The following EDIL3 variants were observed in gnomAD, a reference collection of about 807,000 sequenced individuals.
The protein encoded by EDIL3 is EGF like and discoidin domains 3.
In EDIL3, 37 loss-of-function variants were observed where a neutral mutation model predicts 67.4. The observed-to-expected ratio is 0.55, with a 90% confidence interval of 0.42 to 0.72. The LOEUF is 0.72. Ranked by LOEUF, EDIL3 falls within the 30% of genes least tolerant of loss-of-function variation. The pLI is 0.00. For missense variants in EDIL3, 527 were observed against 586.3 expected (o/e 0.90, Z 1.04); for synonymous variants, 195 against 196.3 (o/e 0.99, Z 0.05).
intron 1 of EDIL3, among the ~76,000 whole-genome samples, chr5:84,261,799 C>T (rs1038842950): frequency 2.6e-5 from 4 of 152,206 alleles, no homozygotes; most frequent in Non-Finnish European, 5.9e-5. Flanking sequence ...CTCAAAACCA[C>T]ATTAATGCTA....
intron 6 of EDIL3, among the ~76,000 whole-genome samples, chr5:84,075,253 G>C (rs1437001782): frequency 6.6e-6 from 1 of 151,922 alleles, no homozygotes; most frequent in Admixed American, 6.6e-5. Context: ...AATGCTAAAT[G>C]ACGAGTTAAT....
chr5:84,352,090 C>T (rs1177930612), intron 1 of EDIL3, among the ~76,000 whole-genome samples: 1 of 152,032 alleles, frequency 6.6e-6, no homozygotes, highest in Non-Finnish European at 1.5e-5. Context: ...AATGATATAA[C>T]ATCTCACATC....
intron 3 of EDIL3, among the ~76,000 whole-genome samples, chr5:84,225,647 A>G (rs1744435790): frequency 6.6e-6 from 1 of 151,538 alleles, no homozygotes. Flanking sequence ...GATTTTTTTC[A>G]TTCTATATGT....
chr5:84,052,826 C>G (rs1746367316), intron 9 of EDIL3, among the ~76,000 whole-genome samples: 1 of 152,136 alleles, frequency 6.6e-6, no homozygotes, highest in Non-Finnish European at 1.5e-5. Flanking sequence ...TTAGGACCTA[C>G]AAAGAGACTT....
At chr5:84,252,294 A>G (rs909635509) in intron 2 of EDIL3, among the ~76,000 whole-genome samples, 1 of 152,022 alleles carries the variant, frequency 6.6e-6, no homozygotes. Context: ...AATCGAGATC[A>G]TCCTGGCTAA....
chr5:84,238,990 A>G (rs565594507), intron 2 of EDIL3, among the ~76,000 whole-genome samples: 23 of 152,208 alleles, frequency 1.5e-4, no homozygotes, highest in African/African-American at 5.1e-4. Context: ...AACAGATCCA[A>G]TCTGCGGACC....
chr5:84,049,626 G>A (rs192531723), intron 9 of EDIL3, among the ~76,000 whole-genome samples: 19 of 152,280 alleles, frequency 1.2e-4, no homozygotes, highest in Admixed American at 1.2e-3. Context: ...GGCTCAGAAT[G>A]TTCCAATTTC....
In EDIL3 at chr5:84,149,728, G is replaced by A. The variant is rs897457299; in HGVS notation, c.356-12374C>T. ...AGTAATTAAAACAGTTATTAAAACT[G>A]TATTCCATATATTGAAAATATTAAA... On this transcript the variant is annotated intron_variant, in intron 4 of 10. Transcript: ENST00000296591. 3.3e-5 allele frequency among the ~76,000 whole-genome samples: 5 copies of A among 152,192 alleles called. No individual in the cohort carries two copies. The East Asian group carries it at 9.6e-4, about 29-fold the overall frequency.
intron 9 of EDIL3, among the ~76,000 whole-genome samples, chr5:84,040,517 A>T (rs571905687): frequency 1.1e-4 from 15 of 140,940 alleles, no homozygotes; most frequent in Non-Finnish European, 1.8e-4. Context: ...ATATATAATT[A>T]TATATATATA....
rs558445455 is a variant in EDIL3 at position 83,948,090 on chromosome 5, T to G, written c.1294-4522A>C. On this transcript the variant is annotated intron_variant, in intron 10 of 10. Coordinates refer to ENST00000296591, the MANE Select transcript of EDIL3 (RefSeq NM_005711.5). The stretch of plus-strand genomic sequence containing the variant: ...ATATTTCTATCAATGCAGTCTAAAA[T>G]GTAGAATAATTATATTGCATTTTGG... Among the ~76,000 whole-genome samples the G allele has an allele frequency of 3.9e-5, 6 of 151,950 alleles. 1 individual carries two copies. The South Asian group carries it at 1.2e-3, about 31-fold the overall frequency.
At position 83,941,967 on chromosome 5, in the gene EDIL3, T is replaced by G. The variant is rs1744231290; in HGVS notation, c.*1452A>C. On this transcript the variant is annotated 3_prime_UTR_variant, in exon 11 of 11. Coordinates refer to ENST00000296591, the MANE Select transcript of EDIL3 (RefSeq NM_005711.5). ...GGCTTTTGTTATGCAGCACAAATATTAAAGGAAAAAAATAGCAGTGTTGCG... is the reference window on the plus strand; with the variant it reads ...GGCTTTTGTTATGCAGCACAAATATGAAAGGAAAAAAATAGCAGTGTTGCG... The G allele has an allele frequency of 6.6e-6, 1 of 151,938 alleles. No homozygotes were observed. 9.4% of individuals were successfully genotyped at this position (151,938 alleles called of 1,614,324 possible).
At chr5:84,105,750 A>ATC (rs10654447) in intron 6 of EDIL3, among the ~76,000 whole-genome samples, 12 of 284 alleles carry the variant, frequency 0.042, no homozygotes, top group Admixed American at 0.15. Flanking sequence ...GATTTTCTAC[A>ATC]ATATTCCCCA....
intron 1 of EDIL3, among the ~76,000 whole-genome samples, chr5:84,368,507 T>C (rs1191284548): frequency 1.3e-5 from 2 of 151,930 alleles, no homozygotes; most frequent in African/African-American, 2.4e-5. Flanking sequence ...AAATCTAAGA[T>C]CTAAAACTTC....
intron 4 of EDIL3, among the ~76,000 whole-genome samples, chr5:84,152,473 G>A (rs1748413569): frequency 6.6e-6 from 1 of 152,130 alleles, no homozygotes; most frequent in African/African-American, 2.4e-5. Context: ...CTGTCAGAGA[G>A]GAATGGGTCT....
At chr5:84,237,041 C>T (rs553474539) in intron 2 of EDIL3, among the ~76,000 whole-genome samples, 1 of 152,056 alleles carries the variant, frequency 6.6e-6, no homozygotes, top group Non-Finnish European at 1.5e-5. Context: ...GCCGAGGCTA[C>T]CAGCTCACTA....
intron 3 of EDIL3, among the ~76,000 whole-genome samples, chr5:84,187,219 A>G (rs773397188): frequency 2.5e-4 from 38 of 152,114 alleles, no homozygotes; most frequent in Non-Finnish European, 4.3e-4. Context: ...GCAAGCTCAT[A>G]TAAGTATGTC....
intron 9 of EDIL3, 61 bp downstream of exon 9, chr5:84,060,239 A>G: frequency 6.3e-7 from 1 of 1,579,396 alleles, no homozygotes; most frequent in Non-Finnish European, 8.6e-7. Context: ...TCACCTAATC[A>G]ACAGGAAATC....
At chr5:84,155,331 G>C (rs990882307) in intron 4 of EDIL3, among the ~76,000 whole-genome samples, 1 of 152,160 alleles carries the variant, frequency 6.6e-6, no homozygotes, top group Admixed American at 6.5e-5. Context: ...TGCTGCCAGA[G>C]ACATTTGAAG....
At chr5:84,191,183 C>A (rs967760012) in intron 3 of EDIL3, among the ~76,000 whole-genome samples, 5 of 151,956 alleles carry the variant, frequency 3.3e-5, no homozygotes, top group African/African-American at 1.2e-4. Flanking sequence ...TAATTATAAA[C>A]AAAGTGTGTT....
Sources: gnomAD v4.1 joint callset for allele counts (sites outside exome capture counted in the v4.1 genomes callset) on GRCh38, gnomAD v4.1.1 for gene constraint, MANE v1.5 for transcripts, NCBI Gene and HGNC (gene_info 2026-07-23, HGNC 2026-07-21) for gene names.